RERG: variants seen among roughly 807,000 people sequenced by gnomAD.
RERG encodes ras-related and estrogen-regulated growth inhibitor.
RERG carries 25 observed loss-of-function variants against 23.2 expected under a neutral mutation model. That is an observed-to-expected ratio of 1.08 (90% CI 0.79 to 1.50). The LOEUF is 1.50. Among genes scored for constraint, RERG ranks in the 40% most tolerant of loss-of-function variants. The pLI is 0.00. For missense variants in RERG, 253 were observed against 250.1 expected (o/e 1.01, Z -0.08); for synonymous variants, 81 against 89.1 (o/e 0.91, Z 0.51).
chr12:15,213,496 C>T (rs1865396829), intron 2 of RERG, among the ~76,000 whole-genome samples: 1 of 152,178 alleles, frequency 6.6e-6, no homozygotes, highest in Non-Finnish European at 1.5e-5. Context: ...CACTTTGCAG[C>T]GTCCCCACAG....
At chr12:15,191,457 A>T (rs962787496) in intron 2 of RERG, among the ~76,000 whole-genome samples, 1 of 151,934 alleles carries the variant, frequency 6.6e-6, no homozygotes, top group Admixed American at 6.6e-5. Flanking sequence ...AAGCCAGAGA[A>T]TTTTTTTTCA....
chr12:15,108,956 T>C lies in RERG; in HGVS notation c.*154A>G. 8 of 749,198 alleles carry C rather than the reference T, an allele frequency of 1.1e-5. No individual in the cohort carries two copies. Among genetic ancestry groups the C allele is most frequent in the Non-Finnish European group, 1.7e-5 (8 of 470,914 alleles). 46.4% of individuals were successfully genotyped at this position (749,198 alleles called of 1,614,324 possible). A position where few individuals can be genotyped will look rare whatever the true frequency, so the allele number is the denominator to read the frequency against. On this transcript the variant is annotated 3_prime_UTR_variant, in exon 5 of 5. Transcript: ENST00000256953. ...AGCACTGAAATTGCATAAAACACGC[T>C]AAAACTTCCCAACCTATTAGAGGCC...
chr12:15,125,571 A>G (rs1863923334), intron 2 of RERG, among the ~76,000 whole-genome samples: 1 of 151,994 alleles, frequency 6.6e-6, no homozygotes, highest in African/African-American at 2.4e-5. Flanking sequence ...CAAGCCCAGA[A>G]AGGTTGTAAA....
At chr12:15,217,121 A>T (rs1865450183) in intron 2 of RERG, 1 of 272,686 alleles carries the variant, frequency 3.7e-6, no homozygotes, top group Non-Finnish European at 6.9e-6. Context: ...AAAAGAACAA[A>T]TATATATTTT....
At chr12:15,150,345 T>TA (rs1446084337) in intron 2 of RERG, among the ~76,000 whole-genome samples, 1 of 152,170 alleles carries the variant, frequency 6.6e-6, no homozygotes, top group Non-Finnish European at 1.5e-5. Context: ...GCTGAAACTT[T>TA]ATAGACCGTC....
At chr12:15,154,226 G>C (rs118061987) in intron 2 of RERG, 20 of 152,270 alleles carry the variant, frequency 1.3e-4, no homozygotes, top group African/African-American at 4.8e-4. Flanking sequence ...CTTGTCTTTT[G>C]GCTTGCCATT....
intron 2 of RERG, among the ~76,000 whole-genome samples, chr12:15,142,061 C>T (rs1438783689): frequency 3.3e-5 from 5 of 152,276 alleles, no homozygotes; most frequent in South Asian, 2.1e-4. Flanking sequence ...TACTCATATT[C>T]GCTTAACTTT....
intron 2 of RERG, among the ~76,000 whole-genome samples, chr12:15,179,021 C>T (rs1864889273): frequency 6.6e-6 from 1 of 151,966 alleles, no homozygotes. Flanking sequence ...TTTCCCCATG[C>T]CCCAGTTAAA....
intron 2 of RERG, among the ~76,000 whole-genome samples, chr12:15,164,594 G>C (rs550351018): frequency 3.9e-5 from 6 of 152,316 alleles, no homozygotes; most frequent in Admixed American, 2.0e-4. Flanking sequence ...GGACCGCCTT[G>C]ATATAGTCAA....
chr12:15,111,376 C>A lies in RERG; in HGVS notation c.160G>T (p.Val54Phe). The A allele has an allele frequency of 6.2e-7, 1 of 1,613,320 alleles. No individual in the cohort carries two copies. The highest frequency in any genetic ancestry group is 1.7e-5 in the Admixed American group (1 of 59,974). Residue 54 changes from valine to phenylalanine, a missense_variant, in exon 4 of 5, where the codon GTT becomes TTT. Transcript: ENST00000256953. ...RHQATIDDEVVSMEILDTAGQ... is the reference protein window; with the variant it reads ...RHQATIDDEVFSMEILDTAGQ... Reference sequence around the variant, plus strand: ...GCAGTGTCTAGTATCTCCATGGAAACAACTTCATCATCGATGGTTGCTTGG... The same window carrying A: ...GCAGTGTCTAGTATCTCCATGGAAAAAACTTCATCATCGATGGTTGCTTGG...
intron 2 of RERG, among the ~76,000 whole-genome samples, chr12:15,191,673 C>T (rs1591664665): frequency 6.6e-6 from 1 of 152,100 alleles, no homozygotes; most frequent in African/African-American, 2.4e-5. Context: ...CCCTTGTCTC[C>T]ACTTCTGCTA....
intron 2 of RERG, among the ~76,000 whole-genome samples, chr12:15,147,492 T>C (rs1007855962): frequency 1.3e-4 from 20 of 152,228 alleles, no homozygotes; most frequent in African/African-American, 4.8e-4. Context: ...ATAAGTATAT[T>C]TATTTTTAAG....
At position 15,111,331 on chromosome 12, in the gene RERG, A is replaced by T; in HGVS notation, c.192+13T>A. 6.3e-7 allele frequency: 1 copy of T among 1,584,068 alleles called. No homozygotes were observed. The highest frequency in any genetic ancestry group is 1.4e-5 in the African/African-American group (1 of 74,054). ...TGATCCAGAAAAATATTTTAGCTGA[A>T]CTCTTTATTCACCTGACCAGCAGTG... On this transcript the variant is annotated intron_variant, in intron 4 of 4. Transcript: ENST00000256953.
chr12:15,171,533 G>A (rs992186259), intron 2 of RERG, among the ~76,000 whole-genome samples: 2 of 152,050 alleles, frequency 1.3e-5, no homozygotes, highest in Non-Finnish European at 2.9e-5. Context: ...TGAGTGGGGC[G>A]GGAGCACAAT....
Position 15,217,696 on chromosome 12 carries a change from T to G in RERG, c.-114-93A>C. The G allele has an allele frequency of 5.8e-6, 3 of 519,824 alleles. 1 individual carries two copies. In the South Asian group the frequency reaches 6.9e-5, roughly 12 times the overall value. The allele number at this position is 519,824 out of a possible 1,614,324, so 32.2% of individuals were successfully genotyped here. A position where few individuals can be genotyped will look rare whatever the true frequency, so the allele number is the denominator to read the frequency against. Reference sequence around the variant, plus strand: ...CTATATGCCAGCCACCATTCACTTTTTCAACATTTTCTGGTTTGATCTTTA... The same window carrying G: ...CTATATGCCAGCCACCATTCACTTTGTCAACATTTTCTGGTTTGATCTTTA... On this transcript the variant is annotated intron_variant, in intron 1 of 4. Transcript: ENST00000256953.
chr12:15,161,227 A>G (rs1045285332), intron 2 of RERG, among the ~76,000 whole-genome samples: 2 of 121,436 alleles, frequency 1.6e-5, no homozygotes, highest in African/African-American at 2.7e-5. Context: ...AGAAAGAAAG[A>G]AACAGGGGCA....
intron 3 of RERG, among the ~76,000 whole-genome samples, chr12:15,114,120 A>G (rs1425541576): frequency 6.6e-6 from 1 of 152,140 alleles, no homozygotes; most frequent in Non-Finnish European, 1.5e-5. Flanking sequence ...CTTCTAGGGC[A>G]TATATTAAAA....
intron 3 of RERG, among the ~76,000 whole-genome samples, chr12:15,117,740 A>C (rs7296511): frequency 6.6e-6 from 1 of 151,594 alleles, no homozygotes; most frequent in African/African-American, 2.4e-5. Flanking sequence ...GCCTCTATCT[A>C]TATTCTCTGT....
chr12:15,204,383 G>A (rs1021231203), intron 2 of RERG, among the ~76,000 whole-genome samples: 6 of 151,674 alleles, frequency 4.0e-5, no homozygotes, highest in African/African-American at 1.5e-4. Flanking sequence ...GCAAAATAAT[G>A]AAACTGGACC....
Sources: gnomAD v4.1 joint callset for allele counts (sites outside exome capture counted in the v4.1 genomes callset) on GRCh38, gnomAD v4.1.1 for gene constraint, MANE v1.5 for transcripts, NCBI Gene and HGNC (gene_info 2026-07-23, HGNC 2026-07-21) for gene names.